CNTN6: variants seen among roughly 807,000 people sequenced by gnomAD.
CNTN6 encodes the protein contactin-6.
In CNTN6, 137 loss-of-function variants were observed where a neutral mutation model predicts 122.8. The observed-to-expected ratio is 1.12, with a 90% confidence interval of 0.97 to 1.29. The LOEUF (loss-of-function observed/expected upper bound fraction) is 1.29, where lower values mean the gene tolerates loss of function less well. CNTN6 is among the 50% of genes most tolerant of loss of function. The pLI is 0.00. For missense variants in CNTN6, 1,634 were observed against 1,223.4 expected, an observed-to-expected ratio of 1.34 and a Z score of -5.01; for synonymous variants, 570 against 426.0, an observed-to-expected ratio of 1.34 and a Z score of -4.16.
chr3:1,260,670 G>A (rs541467101), intron 4 of CNTN6, among the ~76,000 whole-genome samples: 1 of 152,048 alleles, frequency 6.6e-6, no homozygotes, highest in African/African-American at 2.4e-5. Flanking sequence ...GAGGGATCCT[G>A]TGGGAGGTAA....
chr3:1,303,129 G>A (rs956215007), intron 7 of CNTN6, among the ~76,000 whole-genome samples: 1 of 151,876 alleles, frequency 6.6e-6, no homozygotes, highest in African/African-American at 2.4e-5. Flanking sequence ...TCTTCTCTGT[G>A]CTTACATTAT....
intron 2 of CNTN6, among the ~76,000 whole-genome samples, chr3:1,153,758 G>C (rs147492886): frequency 9.5e-4 from 145 of 152,272 alleles, no homozygotes; most frequent in African/African-American, 3.3e-3. Flanking sequence ...GAGAAAACCA[G>C]AAGAATGAAA....
chr3:1,107,258 A>T (rs925110818), intron 1 of CNTN6, among the ~76,000 whole-genome samples: 2 of 152,170 alleles, frequency 1.3e-5, no homozygotes, highest in Non-Finnish European at 2.9e-5. Flanking sequence ...TTTTTCACAC[A>T]AAAGCCAGAA....
chr3:1,126,264 G>A lies in CNTN6; in HGVS notation c.-82-21663G>A, dbSNP rs529174217. On this transcript the variant is annotated intron_variant, in intron 1 of 22. Coordinates refer to ENST00000446702, the MANE Select transcript of CNTN6 (RefSeq NM_001289080.2). ...ATCAGTATGTGATTTTCAAAAACAT[G>A]TATATACATGTATTCAAATGTGTCC... is the stretch of plus-strand genomic sequence containing the variant. 4.0e-5 allele frequency among the ~76,000 whole-genome samples: 6 copies of A among 151,888 alleles called. No individual in the cohort carries two copies. The East Asian group carries it at 9.7e-4, about 25-fold the overall frequency.
At chr3:1,352,954 G>A (rs1705895870) in intron 12 of CNTN6, among the ~76,000 whole-genome samples, 1 of 151,676 alleles carries the variant, frequency 6.6e-6, no homozygotes, top group Non-Finnish European at 1.5e-5. Context: ...TAAAATCTGT[G>A]TGAATCATTA....
At position 1,252,027 on chromosome 3, in the gene CNTN6, T is replaced by C. The variant is rs115269600; in HGVS notation, c.358+24034T>C. ...CCCCAAAATAATTCCAATGAAACGTTAAAACACACAACAAAGGCAGCCTCT... is the reference window on the plus strand; with the variant it reads ...CCCCAAAATAATTCCAATGAAACGTCAAAACACACAACAAAGGCAGCCTCT... On this transcript the variant is annotated intron_variant, in intron 4 of 22. Transcript: ENST00000446702. Among the ~76,000 whole-genome samples the C allele has an allele frequency of 4.2e-3, 634 of 152,302 alleles. 7 individuals are homozygous for C. The highest frequency in any genetic ancestry group is 0.014 in the African/African-American group (602 of 41,574).
At chr3:1,093,233 C>G (rs1418879535) in intron 1 of CNTN6, 113 bp downstream of exon 1, 4 of 178,724 alleles carry the variant, frequency 2.2e-5, no homozygotes, top group African/African-American at 9.5e-5. Flanking sequence ...CAGGTAAAAG[C>G]TGGGGTTGGG....
intron 8 of CNTN6, among the ~76,000 whole-genome samples, chr3:1,324,245 A>C (rs265790): frequency 0.012 from 1,848 of 149,180 alleles, 239 homozygotes; most frequent in African/African-American, 0.045. Flanking sequence ...ACTCGTTTGT[A>C]GTCTCATTGA....
At chr3:1,345,255 T>C (rs1265391557) in intron 11 of CNTN6, among the ~76,000 whole-genome samples, 3 of 152,136 alleles carry the variant, frequency 2.0e-5, no homozygotes, top group Admixed American at 2.0e-4. Context: ...TAGCTGAAAT[T>C]ACAGGCACGA....
At chr3:1,132,468 T>C (rs1224564839) in intron 1 of CNTN6, among the ~76,000 whole-genome samples, 1 of 151,982 alleles carries the variant, frequency 6.6e-6, no homozygotes, top group Non-Finnish European at 1.5e-5. Context: ...TTGAAGCCTG[T>C]GATCCCAGCT....
At chr3:1,106,978 A>C (rs537189314) in intron 1 of CNTN6, among the ~76,000 whole-genome samples, 1 of 152,066 alleles carries the variant, frequency 6.6e-6, no homozygotes, top group Non-Finnish European at 1.5e-5. Context: ...CTATCTATCT[A>C]TCTCTCTAAA....
At chr3:1,215,473 GC>G (rs1237684599) in intron 2 of CNTN6, among the ~76,000 whole-genome samples, 1 of 152,006 alleles carries the variant, frequency 6.6e-6, no homozygotes, top group East Asian at 1.9e-4. Context: ...TATTGATGTT[GC>G]CTGGGTTACA....
chr3:1,398,832 A>C (rs1393087336), intron 20 of CNTN6, among the ~76,000 whole-genome samples: 1 of 152,098 alleles, frequency 6.6e-6, no homozygotes. Context: ...AACATTCTAA[A>C]TAATCTGTAT....
chr3:1,360,693 ATAAGT>A (rs1180362511), intron 12 of CNTN6, among the ~76,000 whole-genome samples: 1 of 151,916 alleles, frequency 6.6e-6, no homozygotes, highest in Non-Finnish European at 1.5e-5. Context: ...AATATTATCT[ATAAGT>A]TAATTCCCAA....
intron 5 of CNTN6, among the ~76,000 whole-genome samples, chr3:1,283,123 C>G (rs1254705128): frequency 6.6e-6 from 1 of 152,102 alleles, no homozygotes. Flanking sequence ...CAGGTGCATG[C>G]CACCACACCC....
intron 2 of CNTN6, among the ~76,000 whole-genome samples, chr3:1,179,553 G>C (rs1177745064): frequency 6.6e-6 from 1 of 152,160 alleles, no homozygotes. Context: ...GAAGGGAGTA[G>C]AGTTTTATTT....
intron 7 of CNTN6, among the ~76,000 whole-genome samples, chr3:1,320,136 C>T (rs1207667258): frequency 1.3e-5 from 2 of 151,488 alleles, no homozygotes; most frequent in African/African-American, 4.8e-5. Flanking sequence ...AAATTTGTGG[C>T]AAGTGGCAAG....
intron 20 of CNTN6, among the ~76,000 whole-genome samples, chr3:1,390,597 CTT>C (rs1693975215): frequency 6.6e-6 from 1 of 151,990 alleles, no homozygotes; most frequent in African/African-American, 2.4e-5. Context: ...ACAAAAAACC[CTT>C]AAAAAATTAA....
intron 4 of CNTN6, among the ~76,000 whole-genome samples, chr3:1,277,969 C>T (rs1245222647): frequency 6.6e-6 from 1 of 152,200 alleles, no homozygotes; most frequent in African/African-American, 2.4e-5. Flanking sequence ...TCACACAGAA[C>T]TCTTTCCCTC....
Sources: allele counts gnomAD v4.1 joint callset (sites outside exome capture counted in the v4.1 genomes callset), GRCh38; gene constraint gnomAD v4.1.1; transcripts MANE v1.5; gene names NCBI Gene and HGNC (gene_info 2026-07-23, HGNC 2026-07-21).